Variants in FHDC1 observed in about 807,000 individuals in gnomAD.
FHDC1 encodes the protein FH2 domain-containing protein 1.
In FHDC1, 25 loss-of-function variants were observed where a neutral mutation model predicts 52.6. The observed-to-expected ratio is 0.48, with a 90% CI of 0.35 to 0.66. The LOEUF (loss-of-function observed/expected upper bound fraction) is 0.66. FHDC1 is among the 30% of genes least tolerant of loss of function. The pLI, the probability that FHDC1 is intolerant of heterozygous loss-of-function variation, is 0.01. For synonymous variants in FHDC1, 616 were observed against 581.5 expected, an observed-to-expected ratio of 1.06 and a Z score of -0.85; for missense variants, 1,459 against 1,452.8, an observed-to-expected ratio of 1.00 and a Z score of -0.07.
chr4:152,940,168 G>A (rs560583197), intron 1 of FHDC1, among the ~76,000 whole-genome samples: 5 of 152,222 alleles, frequency 3.3e-5, no homozygotes, highest in African/African-American at 9.6e-5. Context: ...TTTCACATTG[G>A]ACATCCTGGC....
chr4:152,912,670 A>G, the FHDC1 span, among the ~76,000 whole-genome samples: 2 of 152,320 alleles, frequency 1.3e-5, no homozygotes, highest in East Asian at 3.9e-4. Flanking sequence ...AGGAAGATAA[A>G]GGCTGAACAA....
the FHDC1 span, among the ~76,000 whole-genome samples, chr4:152,930,962 A>ACACACAC: frequency 5.7e-5 from 6 of 104,752 alleles, no homozygotes; most frequent in East Asian, 3.1e-4. Context: ...TCCCCAGGGA[A>ACACACAC]ACACACACAC....
chr4:152,915,537 G>C, the FHDC1 span, among the ~76,000 whole-genome samples: 1 of 152,194 alleles, frequency 6.6e-6, no homozygotes, highest in African/African-American at 2.4e-5. Context: ...GTTACAAAGA[G>C]GCAGTACACT....
chr4:152,977,290 G>T lies in FHDC1; in HGVS notation c.*567G>T, dbSNP rs75375990. The T allele has an allele frequency of 0.15, 22,318 of 151,980 alleles. 2,049 individuals are homozygous for T. Among genetic ancestry groups the T allele is most frequent in the East Asian group, 0.37 (1,879 of 5,134 alleles). 9.4% of individuals were successfully genotyped at this position (151,980 alleles called of 1,614,324 possible). ...GCCTGTGGCCCCAGCCACTCTGAAC[G>T]CTGAGATGGGAAGGTCACTTGAGCC... On this transcript the variant is annotated 3_prime_UTR_variant, in exon 12 of 12. Transcript: ENST00000511601.
In FHDC1 at chr4:152,949,121, T is replaced by TAAGAAGAAGAAGAAGAAGAAG. The variant is rs1423440219; in HGVS notation, c.499-4376_499-4375insGAAGAAGAAGAAGAAGAAGAA. Reference sequence around the variant, plus strand: ...ATAATAATAATAATAATAATAATAATAATAAGAAGAAGAAGAAGAAGAAGA... The same window carrying TAAGAAGAAGAAGAAGAAGAAG: ...ATAATAATAATAATAATAATAATAATAAGAAGAAGAAGAAGAAGAAGAATAAGAAGAAGAAGAAGAAGAAGA... On this transcript the variant is annotated intron_variant, in intron 2 of 11. Coordinates refer to ENST00000511601, the MANE Select transcript of FHDC1 (RefSeq NM_001371116.1). Among the ~76,000 whole-genome samples the TAAGAAGAAGAAGAAGAAGAAG allele has an allele frequency of 1.4e-4, 9 of 65,476 alleles. No individual in the cohort carries two copies. In the East Asian group the frequency reaches 1.6e-3, roughly 11 times the overall value. 43.0% of individuals were successfully genotyped at this position (65,476 alleles called of 152,430 possible).
intron 6 of FHDC1, among the ~76,000 whole-genome samples, chr4:152,962,443 A>C (rs1474906921): frequency 1.3e-5 from 2 of 152,226 alleles, no homozygotes; most frequent in African/African-American, 4.8e-5. Flanking sequence ...ATACTCAAAG[A>C]GTAGTGGATA....
rs1561216742 is a variant in FHDC1, at chr4:152,975,601, G to A, written c.2310G>A (p.Leu770=). The A allele has an allele frequency of 1.2e-6, 2 of 1,613,600 alleles. No individual in the cohort carries two copies. The highest frequency in any genetic ancestry group is 1.6e-4 in the Middle Eastern group (1 of 6,062). Residue 770 remains leucine (L), a synonymous_variant, in exon 12 of 12, where the codon CTG becomes CTA. Transcript: ENST00000511601. Reference sequence around the variant, plus strand: ...CTGAGAACAAAGATCCTAGACCTCTGTTCTGCATCTCGGACACCACCGACT... The same window carrying A: ...CTGAGAACAAAGATCCTAGACCTCTATTCTGCATCTCGGACACCACCGACT... The part of the protein sequence containing the change: ...SDPENKDPRP[L]FCISDTTDCS...
chr4:152,942,213 A>G (rs1192695071), intron 1 of FHDC1, among the ~76,000 whole-genome samples: 3 of 152,214 alleles, frequency 2.0e-5, no homozygotes, highest in African/African-American at 7.2e-5. Context: ...GATAGAGGTC[A>G]TTTAATGTGT....
intron 4 of FHDC1, among the ~76,000 whole-genome samples, chr4:152,956,271 C>T (rs1740082004): frequency 6.6e-6 from 1 of 152,082 alleles, no homozygotes; most frequent in Non-Finnish European, 1.5e-5. Flanking sequence ...CCTAATTGAC[C>T]TCATCGTGTT....
chr4:152,922,404 T>C, the FHDC1 span, among the ~76,000 whole-genome samples: 1 of 152,204 alleles, frequency 6.6e-6, no homozygotes, highest in Non-Finnish European at 1.5e-5. Context: ...CCAGATGGAT[T>C]CACAGCCGAA....
Position 152,962,807 on chromosome 4 carries a change from T to C in FHDC1, c.851-7T>C. On this transcript the variant is annotated splice_region_variant and splice_polypyrimidine_tract_variant and intron_variant, in intron 6 of 11. Transcript: ENST00000511601. ...TCTAAGGTGCTGTGATGTGTTCTTT[T>C]TGATAGAACTGATGTCATGTGAAGA... The C allele has an allele frequency of 2.5e-6, 4 of 1,613,696 alleles. No individual in the cohort carries two copies. In the African/African-American group the frequency reaches 5.3e-5, roughly 21 times the overall value.
intron 2 of FHDC1, among the ~76,000 whole-genome samples, chr4:152,950,347 AAG>A (rs1739887349): frequency 6.6e-6 from 1 of 152,198 alleles, no homozygotes; most frequent in South Asian, 2.1e-4. Context: ...AAAGTGGAGA[AAG>A]AGACTCCTCA....
intron 2 of FHDC1, among the ~76,000 whole-genome samples, chr4:152,949,943 G>C (rs777356999): frequency 1.3e-5 from 2 of 152,206 alleles, no homozygotes; most frequent in Admixed American, 6.5e-5. Context: ...GACTGTACCC[G>C]TGGCACCGAC....
the FHDC1 span, among the ~76,000 whole-genome samples, chr4:152,925,067 C>T: frequency 9.9e-5 from 15 of 151,844 alleles, no homozygotes; most frequent in South Asian, 1.3e-3. Flanking sequence ...TGTATGTTGA[C>T]GATTCTGGAG....
chr4:152,974,212 C>T (rs1340182482), intron 11 of FHDC1, among the ~76,000 whole-genome samples: 1 of 152,214 alleles, frequency 6.6e-6, no homozygotes, highest in East Asian at 1.9e-4. Flanking sequence ...TCTTTAAATA[C>T]CCACAGTATT....
chr4:152,916,844 A>G, the FHDC1 span, among the ~76,000 whole-genome samples: 1 of 152,262 alleles, frequency 6.6e-6, no homozygotes, highest in Non-Finnish European at 1.5e-5. Context: ...GGATATGACT[A>G]TGTAAAAAGA....
upstream of FHDC1, among the ~76,000 whole-genome samples, chr4:152,931,455 A>AACACACAC (rs56142204): frequency 3.9e-5 from 5 of 127,282 alleles, no homozygotes; most frequent in Middle Eastern, 4.0e-3. Context: ...CAGCCTCTAA[A>AACACACAC]ACACACACAC....
intron 1 of FHDC1, among the ~76,000 whole-genome samples, chr4:152,942,214 TTTAATGTGTTCTC>T (rs1390390000): frequency 2.6e-5 from 4 of 152,196 alleles, no homozygotes; most frequent in African/African-American, 9.7e-5. Context: ...ATAGAGGTCA[TTTAATGTGTTCTC>T]CTAATTTTAC....
intron 11 of FHDC1, among the ~76,000 whole-genome samples, chr4:152,974,048 A>G (rs1343827164): frequency 6.6e-6 from 1 of 152,244 alleles, no homozygotes; most frequent in African/African-American, 2.4e-5. Context: ...GTGTTGCTTT[A>G]CCAAGGAGCA....
Sources: allele counts gnomAD v4.1 joint callset (sites outside exome capture counted in the v4.1 genomes callset), GRCh38; gene constraint gnomAD v4.1.1; transcripts MANE v1.5; gene names NCBI Gene and HGNC (gene_info 2026-07-23, HGNC 2026-07-21).